The following ZNF704 variants were observed in gnomAD, a reference collection of about 807,000 sequenced individuals.
ZNF704 encodes glucocorticoid induced gene 1.
Under a neutral mutation model 44.7 loss-of-function variants are expected in ZNF704, and 10 were observed. The observed-to-expected ratio is 0.22, with a 90% confidence interval of 0.14 to 0.38. The LOEUF (loss-of-function observed/expected upper bound fraction) is 0.38. Ranked by LOEUF, ZNF704 falls within the 10% of genes least tolerant of loss-of-function variation. ZNF704 has a pLI of 1.00. For missense variants in ZNF704, 390 were observed against 545.5 expected (o/e 0.71, Z 2.84); for synonymous variants, 211 against 207.6 (o/e 1.02, Z -0.14).
chr8:80,654,278 G>A (rs1480324609), intron 7 of ZNF704, among the ~76,000 whole-genome samples: 3 of 152,154 alleles, frequency 2.0e-5, no homozygotes, highest in Non-Finnish European at 4.4e-5. Context: ...ACATAGGCAT[G>A]GACAAGGACT....
Position 80,641,490 on chromosome 8 carries a change from C to T in ZNF704, c.1128-13G>A, listed in dbSNP as rs566713709. 29 of 1,575,586 alleles carry T rather than the reference C, an allele frequency of 1.8e-5. No individual in the cohort carries two copies. The East Asian group carries it at 3.0e-4, about 16-fold the overall frequency. ...TCCCCTGGGCTTCCTGTAAGACAGA[C>T]GAGGAAGGTTAGTTTAGTGGGAGGA... On this transcript the variant is annotated splice_polypyrimidine_tract_variant and intron_variant, in intron 8 of 8. Transcript: ENST00000327835.
At chr8:80,880,974 G>C in the ZNF704 span, among the ~76,000 whole-genome samples, 1 of 152,234 alleles carries the variant, frequency 6.6e-6, no homozygotes, top group Non-Finnish European at 1.5e-5. Flanking sequence ...GAGAGTATGA[G>C]TATGCTGTTA....
At chr8:80,690,931 C>T (rs1266583578) in intron 3 of ZNF704, among the ~76,000 whole-genome samples, 1 of 152,034 alleles carries the variant, frequency 6.6e-6, no homozygotes, top group African/African-American at 2.4e-5. Flanking sequence ...ATCACTTGAA[C>T]CCAGGAGGCG....
rs141777311 is a variant in ZNF704 at position 80,756,857 on chromosome 8, C to T, written c.222-63750G>A. Among the ~76,000 whole-genome samples, 432 of 152,288 alleles carry T rather than the reference C, an allele frequency of 2.8e-3. 8 individuals are homozygous for T. The highest frequency in any genetic ancestry group is 0.025 in the Admixed American group (382 of 15,292). On this transcript the variant is annotated intron_variant, in intron 2 of 8. Coordinates refer to ENST00000327835, the MANE Select transcript of ZNF704 (RefSeq NM_001033723.3). ...CAGGACACACAGTCACTGCCCTCTG[C>T]GAGCTTACAGTCCAGCTAGGCACAC...
intron 2 of ZNF704, among the ~76,000 whole-genome samples, chr8:80,697,590 A>AT: frequency 6.6e-6 from 1 of 152,228 alleles, no homozygotes; most frequent in Non-Finnish European, 1.5e-5. Context: ...CACTCTCTGC[A>AT]TTACCACCTG....
chr8:80,702,084 G>A (rs1432108584), intron 2 of ZNF704, among the ~76,000 whole-genome samples: 2 of 152,166 alleles, frequency 1.3e-5, no homozygotes, highest in Non-Finnish European at 2.9e-5. Context: ...GAATGGACAA[G>A]GTCTTTACTG....
chr8:80,742,531 G>A (rs1014954867), intron 2 of ZNF704, among the ~76,000 whole-genome samples: 1 of 152,150 alleles, frequency 6.6e-6, no homozygotes, highest in Non-Finnish European at 1.5e-5. Context: ...GTGTGCCAAA[G>A]AAATAATCCC....
At chr8:80,877,998 C>G (rs975402737), upstream of ZNF704, among the ~76,000 whole-genome samples, 2 of 152,134 alleles carry the variant, frequency 1.3e-5, no homozygotes, top group African/African-American at 4.8e-5. Context: ...AAACTCGCAG[C>G]CCTGGACTCT....
At position 80,631,700 on chromosome 8, in the gene ZNF704, A is replaced by T. The variant is rs909236715; in HGVS notation, c.*9666T>A. On this transcript the variant is annotated 3_prime_UTR_variant, in exon 9 of 9. Coordinates refer to ENST00000327835, the MANE Select transcript of ZNF704 (RefSeq NM_001033723.3). ...AGCTATCTGCCTTGTCATTCTTTACAGTGAGTCTGAACAAATCTTTTGTGA... is the reference window on the plus strand; with the variant it reads ...AGCTATCTGCCTTGTCATTCTTTACTGTGAGTCTGAACAAATCTTTTGTGA... The T allele has an allele frequency of 3.3e-5, 5 of 152,196 alleles. No homozygotes were observed. The highest frequency in any genetic ancestry group is 1.2e-4 in the African/African-American group (5 of 41,448). The allele number at this position is 152,196 out of a possible 1,614,324, so 9.4% of individuals were successfully genotyped here.
intron 2 of ZNF704, among the ~76,000 whole-genome samples, chr8:80,788,159 T>C (rs749299488): frequency 4.6e-5 from 7 of 152,196 alleles, no homozygotes; most frequent in Non-Finnish European, 1.0e-4. Context: ...TTAGAGTAGT[T>C]GAATACTTTT....
chr8:80,821,889 C>T (rs994308549), intron 1 of ZNF704, among the ~76,000 whole-genome samples: 5 of 152,066 alleles, frequency 3.3e-5, no homozygotes, highest in Non-Finnish European at 1.5e-5. Flanking sequence ...AAGTGTAATA[C>T]CTCTAATTTT....
chr8:80,821,633 G>T lies in ZNF704; in HGVS notation c.-21-18C>A. ...CTCCCCACCTGTGAAATGAAACACA[G>T]AAATTCTTACTCACATAAAACATCA... On this transcript the variant is annotated intron_variant, in intron 1 of 8. Transcript: ENST00000327835. 6.3e-7 allele frequency: 1 copy of T among 1,594,506 alleles called. No homozygotes were observed. Among genetic ancestry groups the T allele is most frequent in the Non-Finnish European group, 8.6e-7 (1 of 1,163,844 alleles).
chr8:80,741,762 T>C (rs911589393), intron 2 of ZNF704, among the ~76,000 whole-genome samples: 1 of 152,046 alleles, frequency 6.6e-6, no homozygotes, highest in South Asian at 2.1e-4. Context: ...CTTCTAGAGG[T>C]TCCCTTGACT....
chr8:80,650,737 A>G (rs1174932543), intron 7 of ZNF704, among the ~76,000 whole-genome samples: 1 of 152,246 alleles, frequency 6.6e-6, no homozygotes, highest in African/African-American at 2.4e-5. Flanking sequence ...GTTGGAAAAC[A>G]CTCTGCAGGA....
At chr8:80,839,963 T>C (rs868358900) in intron 1 of ZNF704, among the ~76,000 whole-genome samples, 24 of 152,194 alleles carry the variant, frequency 1.6e-4, no homozygotes, top group Non-Finnish European at 2.1e-4. Context: ...GCTTTAACCA[T>C]CTCTCTCCCC....
In ZNF704 at chr8:80,756,806, T is replaced by C. The variant is rs554122009; in HGVS notation, c.222-63699A>G. The stretch of plus-strand genomic sequence containing the variant: ...AGTGATGATTTAACCTTCTGAGTGC[T>C]AGTTAACTGCAGAAAAAATGGCGAG... On this transcript the variant is annotated intron_variant, in intron 2 of 8. Coordinates refer to ENST00000327835, the MANE Select transcript of ZNF704 (RefSeq NM_001033723.3). Among the ~76,000 whole-genome samples, 54 of 152,320 alleles carry C rather than the reference T, an allele frequency of 3.5e-4. 1 individual carries two copies. In the South Asian group the frequency reaches 9.3e-3, roughly 26 times the overall value.
chr8:80,764,767 T>C (rs192932908), intron 2 of ZNF704, among the ~76,000 whole-genome samples: 3 of 152,340 alleles, frequency 2.0e-5, no homozygotes, highest in Admixed American at 2.0e-4. Context: ...TAAACTTTTA[T>C]CTTTCACCAT....
chr8:80,718,370 C>T (rs1819107602), intron 2 of ZNF704, among the ~76,000 whole-genome samples: 1 of 149,146 alleles, frequency 6.7e-6, no homozygotes, highest in Non-Finnish European at 1.5e-5. Flanking sequence ...CTGTTTCTCA[C>T]TCCTCCCTGT....
intron 2 of ZNF704, among the ~76,000 whole-genome samples, chr8:80,810,910 C>T (rs1219874195): frequency 2.0e-5 from 3 of 152,114 alleles, no homozygotes; most frequent in African/African-American, 7.2e-5. Flanking sequence ...TGCTCCTCCC[C>T]GCCACCCCAA....
Sources: gnomAD v4.1 joint callset for allele counts (sites outside exome capture counted in the v4.1 genomes callset) on GRCh38, gnomAD v4.1.1 for gene constraint, MANE v1.5 for transcripts, NCBI Gene and HGNC (gene_info 2026-07-23, HGNC 2026-07-21) for gene names.